The following TMCC3 variants were observed in gnomAD, a reference collection of about 807,000 sequenced individuals.
TMCC3 encodes the protein transmembrane and coiled-coil domain family 3, also known as transmembrane and coiled-coil domain protein 3.
In TMCC3, 28 loss-of-function variants were observed where a neutral mutation model predicts 40.2. The ratio of observed to expected loss-of-function variants is 0.70; its 90% CI spans 0.52 to 0.95. The LOEUF (loss-of-function observed/expected upper bound fraction) is 0.95. Ranked by LOEUF, TMCC3 falls within the 40% of genes least tolerant of loss-of-function variation. The pLI is 0.00. For missense variants in TMCC3, 554 were observed against 615.2 expected, an observed-to-expected ratio of 0.90 and a Z score of 1.05; for synonymous variants, 255 against 248.5, an observed-to-expected ratio of 1.03 and a Z score of -0.25.
At chr12:94,605,632 C>T (rs1202001684) in intron 1 of TMCC3, among the ~76,000 whole-genome samples, 1 of 152,152 alleles carries the variant, frequency 6.6e-6, no homozygotes, top group Non-Finnish European at 1.5e-5. Context: ...TTTATTCCAT[C>T]TCCACTCATC....
chr12:94,607,185 G>T (rs1404512941), intron 1 of TMCC3, among the ~76,000 whole-genome samples: 3 of 152,146 alleles, frequency 2.0e-5, no homozygotes, highest in Non-Finnish European at 4.4e-5. Context: ...TATTCTGCCT[G>T]ACCCCGCAGG....
intron 1 of TMCC3, among the ~76,000 whole-genome samples, chr12:94,594,198 A>AATAT (rs59083165): frequency 1.7e-4 from 25 of 145,406 alleles, no homozygotes; most frequent in African/African-American, 6.4e-4. Context: ...TTTAAATTTA[A>AATAT]ATATATATAT....
chr12:94,587,892 T>C (rs951431838), intron 1 of TMCC3, among the ~76,000 whole-genome samples: 1 of 152,228 alleles, frequency 6.6e-6, no homozygotes, highest in East Asian at 1.9e-4. Flanking sequence ...CTAGCCTCTT[T>C]CAATTCTTCC....
chr12:94,582,188 G>C lies in TMCC3; in HGVS notation c.429C>G (p.Ile143Met), dbSNP rs745556540. 2 of 1,614,064 alleles carry C rather than the reference G, an allele frequency of 1.2e-6. No individual in the cohort carries two copies. The highest frequency in any genetic ancestry group is 1.7e-5 in the Admixed American group (1 of 60,000). The change falls in exon 2 of 4, where the codon ATC (isoleucine) becomes ATG (methionine). Residue 143 changes from isoleucine to methionine, a missense_variant. Coordinates refer to ENST00000261226, the MANE Select transcript of TMCC3 (RefSeq NM_020698.4). ...LEQYHRKLRE[I>M]EQNGASRSSK... ...AGCTCCTAGAGGCTCCATTCTGCTC[G>C]ATCTCTCTGAGCTTTCGATGATACT...
chr12:94,629,128 A>G (rs1266031928), intron 1 of TMCC3, among the ~76,000 whole-genome samples: 3 of 152,220 alleles, frequency 2.0e-5, no homozygotes, highest in Non-Finnish European at 4.4e-5. Flanking sequence ...CGGCACAAGG[A>G]TATAAATATA....
At chr12:94,631,871 C>A (rs1393243511) in intron 1 of TMCC3, among the ~76,000 whole-genome samples, 1 of 152,184 alleles carries the variant, frequency 6.6e-6, no homozygotes, top group Non-Finnish European at 1.5e-5. Flanking sequence ...CATGAAAAAA[C>A]AGGTAAGTTC....
At chr12:94,631,566 C>T (rs954068547) in intron 1 of TMCC3, among the ~76,000 whole-genome samples, 3 of 152,172 alleles carry the variant, frequency 2.0e-5, no homozygotes, top group Non-Finnish European at 4.4e-5. Flanking sequence ...AAGAAACTAG[C>T]TCTGCCAACA....
At chr12:94,629,777 A>C (rs1291983492) in intron 1 of TMCC3, among the ~76,000 whole-genome samples, 1 of 152,242 alleles carries the variant, frequency 6.6e-6, no homozygotes, top group African/African-American at 2.4e-5. Flanking sequence ...AATTAAGAAT[A>C]ACTTAGAAAA....
intron 1 of TMCC3, among the ~76,000 whole-genome samples, chr12:94,585,430 C>T (rs894421306): frequency 4.6e-5 from 7 of 152,218 alleles, no homozygotes; most frequent in African/African-American, 1.4e-4. Flanking sequence ...GGCGCAGTGG[C>T]TCACGCCTGT....
At position 94,571,477 on chromosome 12, in the gene TMCC3, G is replaced by A; in HGVS notation, c.1392C>T (p.Asp464=). Residue 464 remains aspartate, a synonymous_variant, in exon 4 of 4, where the codon GAC becomes GAT. Coordinates refer to ENST00000261226, the MANE Select transcript of TMCC3 (RefSeq NM_020698.4). The stretch of plus-strand genomic sequence containing the variant: ...TCCTTTCTATGGCACACAGGATATG[G>A]TCCCAGTTTTTACAAAATATAGCAA... ...TLLAIFCKNW[D]HILCAIERMI... The A allele has an allele frequency of 3.1e-6, 5 of 1,613,944 alleles. No homozygotes were observed. Among genetic ancestry groups the A allele is most frequent in the Non-Finnish European group, 4.2e-6 (5 of 1,180,042 alleles).
At chr12:94,602,938 G>A (rs562178647) in intron 1 of TMCC3, among the ~76,000 whole-genome samples, 4 of 152,260 alleles carry the variant, frequency 2.6e-5, no homozygotes, top group Non-Finnish European at 4.4e-5. Flanking sequence ...CAAACTCTAA[G>A]GGCCTTGCAG....
chr12:94,632,415 T>C, intron 1 of TMCC3, among the ~76,000 whole-genome samples: 1 of 152,356 alleles, frequency 6.6e-6, no homozygotes, highest in Middle Eastern at 3.4e-3. Flanking sequence ...TAACTTTATA[T>C]TTGCTTTCAG....
At position 94,650,434 on chromosome 12, in the gene TMCC3, C is replaced by G; in HGVS notation, c.-4G>C. 3 of 1,288,970 alleles carry G rather than the reference C, an allele frequency of 2.3e-6. No individual in the cohort carries two copies. The highest frequency in any genetic ancestry group is 2.0e-6 in the Non-Finnish European group (2 of 1,012,894). The allele number at this position is 1,288,970 out of a possible 1,614,324, so 79.8% of individuals were successfully genotyped here. ...GCGCCGTGTCGCTGCCCGGCATCTC[C>G]GCGCTCCGGCCGCGAACTTTCCCGT... On this transcript the variant is annotated 5_prime_UTR_variant, in exon 1 of 4. Coordinates refer to ENST00000261226, the MANE Select transcript of TMCC3 (RefSeq NM_020698.4).
intron 3 of TMCC3, among the ~76,000 whole-genome samples, chr12:94,572,770 G>A (rs986422789): frequency 2.6e-5 from 4 of 152,096 alleles, no homozygotes; most frequent in African/African-American, 4.8e-5. Flanking sequence ...TATTTCCACC[G>A]CTCAAAGATT....
Position 94,571,579 on chromosome 12 carries a change from G to A in TMCC3, c.1290C>T (p.Ser430=), listed in dbSNP as rs960003369. The A allele has an allele frequency of 6.2e-7, 1 of 1,614,116 alleles. No homozygotes were observed. Among genetic ancestry groups the A allele is most frequent in the Admixed American group, 1.7e-5 (1 of 60,020 alleles). The part of the protein sequence containing the change: ...AFMTVILVCV[S]TIAKFVSPMM... ...TGGGTGAGACGAACTTCGCGATGGT[G>A]GACACACACACTAAGATGACAGTCA... Residue 430 remains serine (S), a synonymous_variant, in exon 4 of 4, where the codon TCC becomes TCT. Transcript: ENST00000261226.
In TMCC3 at chr12:94,646,658, T is replaced by C. The variant is rs973444182; in HGVS notation, c.78+3695A>G. Reference sequence around the variant, plus strand: ...TTCAACATGTTGGCCAGGTTGGTCTTGAACTCCTGACCTCAGGTGATCCAC... The same window carrying C: ...TTCAACATGTTGGCCAGGTTGGTCTCGAACTCCTGACCTCAGGTGATCCAC... On this transcript the variant is annotated intron_variant, in intron 1 of 3. Transcript: ENST00000261226. Among the ~76,000 whole-genome samples, 15 of 151,822 alleles carry C rather than the reference T, an allele frequency of 9.9e-5. No homozygotes were observed. The South Asian group carries it at 1.2e-3, about 13-fold the overall frequency.
intron 1 of TMCC3, among the ~76,000 whole-genome samples, chr12:94,623,493 C>T (rs941567221): frequency 2.6e-5 from 4 of 152,232 alleles, no homozygotes; most frequent in African/African-American, 4.8e-5. Context: ...TCAACCAGCA[C>T]TTATTTCTGC....
rs142815533 is a variant in TMCC3, at chr12:94,592,028, C to T, written c.79-9490G>A. Among the ~76,000 whole-genome samples, 486 of 152,284 alleles carry T rather than the reference C, an allele frequency of 3.2e-3. 2 individuals are homozygous for T. The highest frequency in any genetic ancestry group is 0.024 in the Middle Eastern group (7 of 294). ...GGACACCTACACAGAATATTCAATACCTACATTTGCTAGAAGAAAGCTGCA... is the reference window on the plus strand; with the variant it reads ...GGACACCTACACAGAATATTCAATATCTACATTTGCTAGAAGAAAGCTGCA... On this transcript the variant is annotated intron_variant, in intron 1 of 3. Transcript: ENST00000261226.
chr12:94,603,442 T>G (rs1905436), intron 1 of TMCC3, among the ~76,000 whole-genome samples: 3,216 of 152,298 alleles, frequency 0.021, 131 homozygotes, highest in African/African-American at 0.073. Context: ...AAATAAAATT[T>G]AATAAGCAAC....
Sources: gnomAD v4.1 joint callset for allele counts (sites outside exome capture counted in the v4.1 genomes callset) on GRCh38, gnomAD v4.1.1 for gene constraint, MANE v1.5 for transcripts, NCBI Gene and HGNC (gene_info 2026-07-23, HGNC 2026-07-21) for gene names.